Variants in ATF6 observed in about 807,000 individuals in gnomAD.
ATF6 encodes activating transcription factor 6.
A neutral mutation model predicts 83.6 loss-of-function variants in ATF6; 53 were observed. That is an observed-to-expected ratio of 0.63 (90% CI 0.51 to 0.80). ATF6 has a LOEUF of 0.80. ATF6 is among the 30% of genes least tolerant of loss of function. ATF6 has a pLI of 0.00. For missense variants in ATF6, 744 were observed against 797.9 expected (o/e 0.93, Z 0.81); for synonymous variants, 288 against 285.8 (o/e 1.01, Z -0.08).
intron 10 of ATF6, among the ~76,000 whole-genome samples, chr1:161,847,130 T>G (rs1298487394): frequency 2.0e-5 from 3 of 152,184 alleles, no homozygotes; most frequent in African/African-American, 7.2e-5. Flanking sequence ...CTATATTATG[T>G]TAACTAGAAG....
intron 14 of ATF6, among the ~76,000 whole-genome samples, chr1:161,896,956 T>C (rs2101875623): frequency 6.6e-6 from 1 of 152,324 alleles, no homozygotes; most frequent in Non-Finnish European, 1.5e-5. Context: ...CACTGCACTT[T>C]ACTATGTTCT....
At chr1:161,913,907 G>T (rs1688040517) in intron 15 of ATF6, among the ~76,000 whole-genome samples, 1 of 152,156 alleles carries the variant, frequency 6.6e-6, no homozygotes, top group African/African-American at 2.4e-5. Context: ...AGAATGCCTG[G>T]TCTTATTTTG....
At chr1:161,796,103 C>T (rs1330591625) in intron 6 of ATF6, among the ~76,000 whole-genome samples, 12 of 152,276 alleles carry the variant, frequency 7.9e-5, no homozygotes, top group Middle Eastern at 3.4e-3. Context: ...GTGATGCGGT[C>T]GTCTCAGCAA....
intron 15 of ATF6, among the ~76,000 whole-genome samples, chr1:161,920,066 C>T (rs926825359): frequency 5.3e-5 from 8 of 152,240 alleles, no homozygotes; most frequent in African/African-American, 1.7e-4. Flanking sequence ...GTTTCCTAAG[C>T]AGGTCGAGAG....
intron 4 of ATF6, among the ~76,000 whole-genome samples, chr1:161,790,087 G>A (rs1397883846): frequency 1.3e-5 from 2 of 151,898 alleles, no homozygotes; most frequent in Non-Finnish European, 2.9e-5. Context: ...GGCTGTTCCT[G>A]CCTTTTGTCT....
chr1:161,906,680 G>C (rs1296754319), intron 14 of ATF6, among the ~76,000 whole-genome samples: 1 of 152,188 alleles, frequency 6.6e-6, no homozygotes, highest in Admixed American at 6.5e-5. Context: ...TCTTGTCAAA[G>C]TGTAAACCTT....
rs375531753 is a variant in ATF6 at position 161,885,785 on chromosome 1, G to T, written c.1719+22473G>T. ...CCATAGACGGTATAAAGACAAATAA[G>T]CTAAAATCCTTGTTCTCAAGGAATT... is the stretch of plus-strand genomic sequence containing the variant. On this transcript the variant is annotated intron_variant, in intron 14 of 15. Transcript: ENST00000367942. Among the ~76,000 whole-genome samples the T allele has an allele frequency of 3.9e-4, 60 of 152,204 alleles. 1 individual carries two copies. The South Asian group carries it at 4.8e-3, about 12-fold the overall frequency.
intron 9 of ATF6, among the ~76,000 whole-genome samples, chr1:161,829,948 G>A (rs1226724328): frequency 2.6e-5 from 4 of 152,056 alleles, no homozygotes; most frequent in Admixed American, 1.3e-4. Context: ...TGGAAGTTCT[G>A]GCCAGGGCAA....
intron 7 of ATF6, among the ~76,000 whole-genome samples, chr1:161,803,976 G>A (rs56694369): frequency 0.9 from 124,204 of 138,296 alleles, 55,983 homozygotes; most frequent in African/African-American, 0.96. Flanking sequence ...ATGTCTCCCA[G>A]TGCTATCCCT....
chr1:161,842,725 C>T (rs1557990441), intron 9 of ATF6, among the ~76,000 whole-genome samples: 1 of 152,130 alleles, frequency 6.6e-6, no homozygotes, highest in Non-Finnish European at 1.5e-5. Context: ...CACCAAATGC[C>T]ACCTGTTCCC....
chr1:161,866,151 C>T lies in ATF6; in HGVS notation c.1719+2839C>T, dbSNP rs113406361. On this transcript the variant is annotated intron_variant, in intron 14 of 15. Coordinates refer to ENST00000367942, the MANE Select transcript of ATF6 (RefSeq NM_007348.4). Reference sequence around the variant, plus strand: ...AAGAAGATTCCAGAGCCCCAGGTTTCGGCTTAGCATGAACCAGACATTTAT... The same window carrying T: ...AAGAAGATTCCAGAGCCCCAGGTTTTGGCTTAGCATGAACCAGACATTTAT... 2.9e-3 allele frequency among the ~76,000 whole-genome samples: 438 copies of T among 152,278 alleles called. 4 individuals carry two copies. The highest frequency in any genetic ancestry group is 9.8e-3 in the African/African-American group (409 of 41,562).
intron 14 of ATF6, among the ~76,000 whole-genome samples, chr1:161,877,757 C>G (rs1687246016): frequency 6.6e-6 from 1 of 152,022 alleles, no homozygotes; most frequent in Non-Finnish European, 1.5e-5. Flanking sequence ...GCAGAGATAC[C>G]AATTAGAAGG....
intron 9 of ATF6, among the ~76,000 whole-genome samples, chr1:161,826,528 A>G (rs184320266): frequency 1.2e-4 from 19 of 152,328 alleles, no homozygotes; most frequent in Admixed American, 9.2e-4. Flanking sequence ...TTGAGGATCA[A>G]TCAGTTAAGA....
intron 14 of ATF6, among the ~76,000 whole-genome samples, chr1:161,874,195 T>C (rs1291601411): frequency 6.6e-6 from 1 of 151,646 alleles, no homozygotes; most frequent in Non-Finnish European, 1.5e-5. Context: ...GGATTATTTT[T>C]CAGTTAGGGT....
intron 14 of ATF6, among the ~76,000 whole-genome samples, chr1:161,868,176 T>G (rs1404381297): frequency 6.6e-6 from 1 of 152,218 alleles, no homozygotes; most frequent in African/African-American, 2.4e-5. Context: ...TTTTTTACAC[T>G]TTACTGATTC....
At chr1:161,837,887 C>G (rs1391802752) in intron 9 of ATF6, among the ~76,000 whole-genome samples, 1 of 152,172 alleles carries the variant, frequency 6.6e-6, no homozygotes, top group Non-Finnish European at 1.5e-5. Context: ...TTCATTTGTT[C>G]CTCCTAGTGC....
intron 7 of ATF6, among the ~76,000 whole-genome samples, chr1:161,812,953 T>TC (rs1685511591): frequency 6.6e-6 from 1 of 152,150 alleles, no homozygotes; most frequent in Non-Finnish European, 1.5e-5. Flanking sequence ...CCTAGCTCAA[T>TC]TATAACTGGT....
In ATF6 at chr1:161,893,505, T is replaced by A. The variant is rs187688402; in HGVS notation, c.1720-18791T>A. On this transcript the variant is annotated intron_variant, in intron 14 of 15. Coordinates refer to ENST00000367942, the MANE Select transcript of ATF6 (RefSeq NM_007348.4). ...TTCAAAGTAAACTCCTGAAAAATGA[T>A]AACAAGTGAAACTATTCTTTTGTCG... 2.4e-4 allele frequency among the ~76,000 whole-genome samples: 36 copies of A among 152,348 alleles called. No homozygotes were observed. The East Asian group carries it at 6.9e-3, about 29-fold the overall frequency.
At chr1:161,827,694 C>G (rs368726269) in intron 9 of ATF6, among the ~76,000 whole-genome samples, 6 of 151,780 alleles carry the variant, frequency 4.0e-5, no homozygotes, top group South Asian at 2.1e-4. Context: ...ATTGGTATGC[C>G]TTAAACATTT....
Sources: allele counts gnomAD v4.1 joint callset (sites outside exome capture counted in the v4.1 genomes callset), GRCh38; gene constraint gnomAD v4.1.1; transcripts MANE v1.5; gene names NCBI Gene and HGNC (gene_info 2026-07-23, HGNC 2026-07-21).